Variants in MCF2L observed in about 807,000 individuals in gnomAD.
The protein encoded by MCF2L is MCF.2 cell line derived transforming sequence like.
Under a neutral mutation model 153.4 loss-of-function variants are expected in MCF2L, and 97 were observed. That is an observed-to-expected ratio of 0.63 (90% CI 0.54 to 0.75). MCF2L has a LOEUF of 0.75. Ranked by LOEUF, MCF2L falls within the 30% of genes least tolerant of loss-of-function variation. MCF2L has a pLI of 0.00. For missense variants in MCF2L, 1,347 were observed against 1,495.2 expected, an observed-to-expected ratio of 0.90 and a Z score of 1.64; for synonymous variants, 659 against 632.2, an observed-to-expected ratio of 1.04 and a Z score of -0.64.
intron 1 of MCF2L, among the ~76,000 whole-genome samples, chr13:112,986,379 C>T (rs1404635758): frequency 2.6e-5 from 4 of 152,224 alleles, no homozygotes; most frequent in East Asian, 1.9e-4. Context: ...GAGAGAAATG[C>T]GCATCACAGG....
chr13:113,002,502 C>A (rs1336715005), intron 1 of MCF2L, among the ~76,000 whole-genome samples: 1 of 152,258 alleles, frequency 6.6e-6, no homozygotes. Flanking sequence ...TCTAGGTAAG[C>A]AGGACTTGGG....
intron 1 of MCF2L, among the ~76,000 whole-genome samples, chr13:112,894,795 A>G (rs113049409): frequency 0.026 from 3,975 of 152,072 alleles, 167 homozygotes; most frequent in African/African-American, 0.09. Context: ...TCCCTTGGGC[A>G]CCTCGTAGGA....
intron 13 of MCF2L, among the ~76,000 whole-genome samples, chr13:113,078,101 CT>C (rs2033695412): frequency 6.8e-6 from 1 of 147,276 alleles, no homozygotes; most frequent in Non-Finnish European, 1.5e-5. Flanking sequence ...CACCTGTGGC[CT>C]CAGAGGCCAA....
chr13:112,963,568 C>A (rs2081858533), intron 2 of MCF2L, among the ~76,000 whole-genome samples: 1 of 152,222 alleles, frequency 6.6e-6, no homozygotes, highest in African/African-American at 2.4e-5. Context: ...CCAGCCAGTC[C>A]TGCATGTTGC....
chr13:113,070,166 T>C lies in MCF2L; in HGVS notation c.989T>C (p.Phe330Ser). 6.3e-7 allele frequency: 1 copy of C among 1,594,024 alleles called. No individual in the cohort carries two copies. The highest frequency in any genetic ancestry group is 8.5e-7 in the Non-Finnish European group (1 of 1,172,418). The change falls in exon 9 of 30, where the codon TTC becomes TCC. Residue 330 changes from phenylalanine (F) to serine (S), a missense_variant. By Grantham distance (155) the Phe-to-Ser change is radical (BLOSUM62 -2). This residue lies in a region of MCF2L where 820 missense variants were observed against 921.2 expected (regional missense o/e 0.89). Coordinates refer to ENST00000535094, the MANE Select transcript of MCF2L (RefSeq NM_001112732.3). The surrounding 1 kb of genome is among the most constrained non-coding windows in gnomAD (Gnocchi z 5.6). ...CAGCTCCGGCACTTTGAGCAGGGCT[T>C]CCGGGAGGTGAGTGGCCCTGGGTGG... is the stretch of plus-strand genomic sequence containing the variant. Reference protein sequence around the residue: ...CLQLRHFEQGFREVKAILDAA... With the variant: ...CLQLRHFEQGSREVKAILDAA...
rs1358039248 is a variant in MCF2L, at chr13:113,001,166, T to A, written c.80-13597T>A. ...AGTTTTCAAGTGACGTATTTAAGTATCCCCCTCCCGGTCCTGGAAAAGTAG... is the reference window on the plus strand; with the variant it reads ...AGTTTTCAAGTGACGTATTTAAGTAACCCCCTCCCGGTCCTGGAAAAGTAG... On this transcript the variant is annotated intron_variant, in intron 1 of 29. Transcript: ENST00000535094. The A allele has an allele frequency of 2.0e-5, 3 of 151,252 alleles. 1 individual carries two copies. The highest frequency in any genetic ancestry group is 7.3e-5 in the African/African-American group (3 of 41,136). The allele number at this position is 151,252 out of a possible 1,614,324, so 9.4% of individuals were successfully genotyped here. A position where few individuals can be genotyped will look rare whatever the true frequency, so the allele number is the denominator to read the frequency against.
chr13:113,005,445 G>A (rs984188110), intron 1 of MCF2L, among the ~76,000 whole-genome samples: 3 of 152,206 alleles, frequency 2.0e-5, no homozygotes, highest in Admixed American at 6.5e-5. Flanking sequence ...TGGACTATTC[G>A]TGGTGACTGA....
intron 2 of MCF2L, among the ~76,000 whole-genome samples, chr13:113,019,753 G>T (rs2084761227): frequency 6.6e-6 from 1 of 152,228 alleles, no homozygotes; most frequent in Non-Finnish European, 1.5e-5. Flanking sequence ...ATTAGGTCAT[G>T]AAGGTGGAGC....
intron 3 of MCF2L, chr13:113,044,576 T>C: frequency 1.3e-6 from 2 of 1,532,024 alleles, no homozygotes; most frequent in Admixed American, 3.9e-5. Flanking sequence ...TGGTAGCAGC[T>C]GCTGGCATCA....
At chr13:113,089,959 G>A (rs1427356398) in intron 26 of MCF2L, 12 of 1,596,468 alleles carry the variant, frequency 7.5e-6, no homozygotes, top group African/African-American at 4.0e-5. Flanking sequence ...AAGGAGCCTC[G>A]GCCGAGCGTG....
chr13:112,907,710 A>C lies in MCF2L; in HGVS notation c.169+5339A>C, dbSNP rs1263124749. 6.6e-6 allele frequency among the ~76,000 whole-genome samples: 1 copy of C among 152,182 alleles called. No homozygotes were observed. The highest frequency in any genetic ancestry group is 2.4e-5 in the African/African-American group (1 of 41,432). Reference sequence around the variant, plus strand: ...TGGACTTGAAACTTCCTGGTTCTTCATGCAGTTCTCAAAGCTCATGATTTT... The same window carrying C: ...TGGACTTGAAACTTCCTGGTTCTTCCTGCAGTTCTCAAAGCTCATGATTTT... On this transcript the variant is annotated intron_variant, in intron 2 of 29. Transcript: ENST00000375608. The surrounding 1 kb of genome is among the most constrained non-coding windows in gnomAD (Gnocchi z 5.1).
chr13:113,001,864 G>C, intron 1 of MCF2L: 1 of 1,553,002 alleles, frequency 6.4e-7, no homozygotes. Context: ...GCCCGGGAAG[G>C]GCGTTCCGGG....
At chr13:112,898,082 C>T (rs2081085038) in intron 1 of MCF2L, among the ~76,000 whole-genome samples, 1 of 152,236 alleles carries the variant, frequency 6.6e-6, no homozygotes, top group Admixed American at 6.5e-5. Context: ...GCCCCCACCT[C>T]TACTCCACGT....
At chr13:112,991,102 C>T (rs976874273) in intron 1 of MCF2L, among the ~76,000 whole-genome samples, 3 of 152,198 alleles carry the variant, frequency 2.0e-5, no homozygotes, top group Non-Finnish European at 2.9e-5. Flanking sequence ...CAGGAGGGGA[C>T]GGGACAGGAG....
upstream of MCF2L, among the ~76,000 whole-genome samples, chr13:112,967,274 C>T (rs1419700715): frequency 6.6e-6 from 1 of 152,036 alleles, no homozygotes; most frequent in African/African-American, 2.4e-5. Flanking sequence ...TTTTGCAGAC[C>T]ATGTGTAGAC....
rs2085409773 is a variant in MCF2L at position 113,027,856 on chromosome 13, A to G, written c.278+3098A>G. Among the ~76,000 whole-genome samples the G allele has an allele frequency of 6.6e-6, 1 of 152,200 alleles. No individual in the cohort carries two copies. The highest frequency in any genetic ancestry group is 1.9e-4 in the East Asian group (1 of 5,192). On this transcript the variant is annotated intron_variant, in intron 3 of 29. Transcript: ENST00000535094. The surrounding 1 kb of genome is among the most constrained non-coding windows in gnomAD (Gnocchi z 4.8). Reference sequence around the variant, plus strand: ...GCTCAGACCACATGGCCGTACCCCGAGGACGTAGGCTCCAGGTGTGCTGTG... The same window carrying G: ...GCTCAGACCACATGGCCGTACCCCGGGGACGTAGGCTCCAGGTGTGCTGTG...
At chr13:113,060,451 A>G in intron 4 of MCF2L, 142 bp from the exon 5 acceptor site, 1 of 885,236 alleles carries the variant, frequency 1.1e-6, no homozygotes, top group East Asian at 2.5e-5. Flanking sequence ...TACCATGTTT[A>G]TCTCAGCATA....
At chr13:112,979,796 G>T (rs1250697424) in intron 1 of MCF2L, 16 of 1,575,750 alleles carry the variant, frequency 1.0e-5, no homozygotes, top group Non-Finnish European at 1.4e-5. Flanking sequence ...GGGGGCAGGT[G>T]CTGTGTCCCC....
chr13:113,024,950 G>A (rs559874322), intron 3 of MCF2L, 192 bp downstream of exon 3: 273 of 567,604 alleles, frequency 4.8e-4, no homozygotes, highest in African/African-American at 3.9e-3. Context: ...CCCCGTGACT[G>A]TGGGTCAGGG....
Sources: gnomAD v4.1 joint callset for allele counts (sites outside exome capture counted in the v4.1 genomes callset) on GRCh38, gnomAD v4.1.1 for gene constraint, gnomAD v4.1.1 regional missense constraint, Gnocchi (gnomAD v3.1) non-coding constraint, MANE v1.5 for transcripts, NCBI Gene and HGNC (gene_info 2026-07-23, HGNC 2026-07-21) for gene names.